Variants in STAG1 observed in about 807,000 individuals in gnomAD.
STAG1 encodes cohesin subunit SA-1.
STAG1 carries 26 observed loss-of-function variants against 170.9 expected under a neutral mutation model. The ratio of observed to expected loss-of-function variants is 0.15; its 90% CI spans 0.11 to 0.21. The LOEUF (loss-of-function observed/expected upper bound fraction) is 0.21. Ranked by LOEUF, STAG1 falls within the 10% of genes least tolerant of loss-of-function variation. STAG1 has a pLI of 1.00. For synonymous variants in STAG1, 514 were observed against 497.7 expected (o/e 1.03, Z -0.44); for missense variants, 964 against 1,509.5 (o/e 0.64, Z 5.99).
intron 1 of STAG1, among the ~76,000 whole-genome samples, chr3:136,694,762 A>C (rs1942830805): frequency 6.6e-6 from 1 of 152,198 alleles, no homozygotes; most frequent in Non-Finnish European, 1.5e-5. Context: ...GGACACAGGA[A>C]ATCTGGGGAA....
At chr3:136,378,580 A>G (rs1937746085) in intron 22 of STAG1, among the ~76,000 whole-genome samples, 1 of 152,192 alleles carries the variant, frequency 6.6e-6, no homozygotes, top group African/African-American at 2.4e-5. Context: ...AGGCAGGAAG[A>G]TCACTTGAGC....
chr3:136,544,408 T>C (rs548561770), intron 5 of STAG1, among the ~76,000 whole-genome samples: 1 of 152,270 alleles, frequency 6.6e-6, no homozygotes, highest in Admixed American at 6.5e-5. Flanking sequence ...TAGACAGAAC[T>C]TTACTCAGCA....
chr3:136,645,870 G>A (rs1363610224), intron 1 of STAG1, among the ~76,000 whole-genome samples: 1 of 152,106 alleles, frequency 6.6e-6, no homozygotes, highest in African/African-American at 2.4e-5. Flanking sequence ...ATTCACTGAA[G>A]GTATCTGCAT....
intron 1 of STAG1, among the ~76,000 whole-genome samples, chr3:136,729,874 A>G (rs1933908056): frequency 8.0e-6 from 1 of 125,068 alleles, no homozygotes; most frequent in Admixed American, 9.3e-5. Context: ...CCACCACGCC[A>G]GGCTTTTTTT....
chr3:136,725,928 C>T (rs533248897), intron 1 of STAG1, among the ~76,000 whole-genome samples: 4 of 152,260 alleles, frequency 2.6e-5, no homozygotes, highest in Non-Finnish European at 2.9e-5. Flanking sequence ...ACCTGGAGAT[C>T]GTCCTTGACT....
intron 29 of STAG1, among the ~76,000 whole-genome samples, chr3:136,345,118 G>A (rs781092328): frequency 6.6e-5 from 10 of 151,834 alleles, no homozygotes; most frequent in African/African-American, 1.7e-4. Flanking sequence ...TTGAGACAGC[G>A]TCTCACTCTG....
At chr3:136,514,424 G>A (rs935061225) in intron 7 of STAG1, among the ~76,000 whole-genome samples, 4 of 152,220 alleles carry the variant, frequency 2.6e-5, no homozygotes, top group African/African-American at 4.8e-5. Flanking sequence ...AGATGCTAGA[G>A]AGGATGTAGA....
chr3:136,425,356 G>A (rs1251074951), intron 16 of STAG1, among the ~76,000 whole-genome samples: 1 of 152,066 alleles, frequency 6.6e-6, no homozygotes, highest in Non-Finnish European at 1.5e-5. Flanking sequence ...AAGATTGGGG[G>A]GTGAGTGGGT....
At chr3:136,611,917 G>T (rs1237977811) in intron 3 of STAG1, among the ~76,000 whole-genome samples, 2 of 151,608 alleles carry the variant, frequency 1.3e-5, no homozygotes, top group Non-Finnish European at 2.9e-5. Flanking sequence ...GCGCGATCTC[G>T]GCTCACCGCA....
intron 13 of STAG1, among the ~76,000 whole-genome samples, chr3:136,457,673 A>C (rs2089156086): frequency 6.6e-6 from 1 of 152,234 alleles, no homozygotes; most frequent in Non-Finnish European, 1.5e-5. Flanking sequence ...AATGTGTGAC[A>C]AGAAAACTTC....
At chr3:136,730,088 C>T (rs907446563) in intron 1 of STAG1, among the ~76,000 whole-genome samples, 1 of 151,804 alleles carries the variant, frequency 6.6e-6, no homozygotes, top group African/African-American at 2.4e-5. Context: ...CCCTCTGTCA[C>T]CCAGGCCCTC....
At chr3:136,541,330 A>G (rs1288534937) in intron 6 of STAG1, among the ~76,000 whole-genome samples, 1 of 152,156 alleles carries the variant, frequency 6.6e-6, no homozygotes, top group East Asian at 1.9e-4. Context: ...CCTAATACAT[A>G]ATATAAATTC....
chr3:136,341,560 G>A lies in STAG1; in HGVS notation c.3447-9C>T. 3 of 1,561,542 alleles carry A rather than the reference G, an allele frequency of 1.9e-6. No homozygotes were observed. Among genetic ancestry groups the A allele is most frequent in the Non-Finnish European group, 2.6e-6 (3 of 1,133,426 alleles). On this transcript the variant is annotated splice_polypyrimidine_tract_variant and intron_variant, in intron 30 of 33. Coordinates refer to ENST00000383202, the MANE Select transcript of STAG1 (RefSeq NM_005862.3). ...AGATCTGCATCTGAGGACTAAGAGA[G>A]GGTACTATTATTAATTTTGTAGCAG...
chr3:136,729,212 C>T (rs1175386482), intron 1 of STAG1, among the ~76,000 whole-genome samples: 1 of 151,962 alleles, frequency 6.6e-6, no homozygotes, highest in Non-Finnish European at 1.5e-5. Flanking sequence ...CACCATGTTG[C>T]CCAGGCTGGT....
At chr3:136,379,278 T>C (rs558706035) in intron 22 of STAG1, among the ~76,000 whole-genome samples, 1 of 152,294 alleles carries the variant, frequency 6.6e-6, no homozygotes, top group Admixed American at 6.5e-5. Flanking sequence ...ATGGGCCCCA[T>C]GTTGGAAAAT....
intron 1 of STAG1, among the ~76,000 whole-genome samples, chr3:136,717,655 ACTCTG>A (rs1297185398): frequency 1.3e-5 from 2 of 152,134 alleles, no homozygotes; most frequent in African/African-American, 4.8e-5. Flanking sequence ...CAAGAGTGAA[ACTCTG>A]TCTCAATAAA....
At chr3:136,468,546 A>G (rs1207131524) in intron 12 of STAG1, among the ~76,000 whole-genome samples, 2 of 152,254 alleles carry the variant, frequency 1.3e-5, no homozygotes, top group Non-Finnish European at 2.9e-5. Flanking sequence ...GTCCAGGACC[A>G]GATGGATTCA....
chr3:136,663,874 C>G (rs1279784045), intron 1 of STAG1, among the ~76,000 whole-genome samples: 1 of 151,994 alleles, frequency 6.6e-6, no homozygotes, highest in African/African-American at 2.4e-5. Context: ...CGAGATCCAA[C>G]TAAGAAAAAG....
chr3:136,712,137 C>A (rs1407798855), intron 1 of STAG1, among the ~76,000 whole-genome samples: 1 of 152,210 alleles, frequency 6.6e-6, no homozygotes, highest in African/African-American at 2.4e-5. Flanking sequence ...CCTGCCTCAG[C>A]CTCCTGAGTA....
Sources: allele counts gnomAD v4.1 joint callset (sites outside exome capture counted in the v4.1 genomes callset), GRCh38; gene constraint gnomAD v4.1.1; transcripts MANE v1.5; gene names NCBI Gene and HGNC (gene_info 2026-07-23, HGNC 2026-07-21).